GPHN: variants seen among roughly 807,000 people sequenced by gnomAD.
The protein encoded by GPHN is gephyrin.
GPHN carries 17 observed loss-of-function variants against 95.5 expected under a neutral mutation model. The ratio of observed to expected loss-of-function variants is 0.18; its 90% CI spans 0.12 to 0.27. The LOEUF is 0.27. Among genes scored for constraint, GPHN ranks in the 10% least tolerant of loss-of-function variants. GPHN has a pLI of 1.00. For missense variants in GPHN, 660 were observed against 978.1 expected (o/e 0.67, Z 4.34); for synonymous variants, 320 against 322.5 (o/e 0.99, Z 0.08).
At chr14:67,654,705 A>G in the GPHN span, among the ~76,000 whole-genome samples, 1 of 152,114 alleles carries the variant, frequency 6.6e-6, no homozygotes, top group Admixed American at 6.6e-5. Context: ...TGCTATTAAG[A>G]ATACAGCATT....
chr14:67,514,987 C>T, the GPHN span: 1 of 152,372 alleles, frequency 6.6e-6, no homozygotes, highest in Non-Finnish European at 1.5e-5. Context: ...CCCTCACCGT[C>T]CCCATCGCCC....
At chr14:67,511,202 G>A in the GPHN span, among the ~76,000 whole-genome samples, 1 of 152,162 alleles carries the variant, frequency 6.6e-6, no homozygotes, top group African/African-American at 2.4e-5. Context: ...AAGTCTAACT[G>A]CAAAAGCAGT....
chr14:66,694,421 T>C (rs183774808), intron 2 of GPHN, among the ~76,000 whole-genome samples: 86 of 152,290 alleles, frequency 5.6e-4, no homozygotes, highest in African/African-American at 2.0e-3. Flanking sequence ...CTTAAGACAA[T>C]GTTCAACTGG....
chr14:67,073,298 AT>A (rs950819531), intron 11 of GPHN, among the ~76,000 whole-genome samples: 2 of 152,084 alleles, frequency 1.3e-5, no homozygotes, highest in African/African-American at 4.8e-5. Context: ...TGACCAACAA[AT>A]TCACCCATTG....
chr14:67,640,692 C>T, the GPHN span, among the ~76,000 whole-genome samples: 1 of 152,174 alleles, frequency 6.6e-6, no homozygotes, highest in African/African-American at 2.4e-5. Context: ...TAATCTATGT[C>T]AATGTTCTGT....
At chr14:67,712,238 A>G in the GPHN span, among the ~76,000 whole-genome samples, 1 of 149,082 alleles carries the variant, frequency 6.7e-6, no homozygotes, top group Middle Eastern at 3.4e-3. Flanking sequence ...CCTGTCTTTT[A>G]ACTGGATCTC....
intron 2 of GPHN, among the ~76,000 whole-genome samples, chr14:66,683,552 CT>C (rs1457687251): frequency 7.4e-6 from 1 of 134,536 alleles, no homozygotes; most frequent in Admixed American, 8.3e-5. Context: ...TCTTTTCTGT[CT>C]CAGACTCTTG....
the GPHN span, among the ~76,000 whole-genome samples, chr14:67,465,500 G>A: frequency 6.6e-6 from 1 of 152,198 alleles, no homozygotes; most frequent in Non-Finnish European, 1.5e-5. Context: ...GGAGTGAAAT[G>A]GTCAGATCTG....
At chr14:66,745,843 T>C (rs1016100300) in intron 2 of GPHN, among the ~76,000 whole-genome samples, 1 of 152,026 alleles carries the variant, frequency 6.6e-6, no homozygotes, top group Non-Finnish European at 1.5e-5. Flanking sequence ...AAACCCTTTG[T>C]GATCTTTCTT....
At chr14:67,028,263 A>G (rs764715943) in intron 10 of GPHN, among the ~76,000 whole-genome samples, 4 of 152,126 alleles carry the variant, frequency 2.6e-5, no homozygotes, top group South Asian at 2.1e-4. Flanking sequence ...TTATCCAGTT[A>G]TTTATTGATG....
At chr14:66,702,080 G>C (rs573079116) in intron 2 of GPHN, among the ~76,000 whole-genome samples, 36 of 152,292 alleles carry the variant, frequency 2.4e-4, no homozygotes, top group Admixed American at 2.0e-3. Flanking sequence ...TCCTCACTGG[G>C]TGGGGCTTCC....
the GPHN span, among the ~76,000 whole-genome samples, chr14:67,321,619 T>G: frequency 3.7e-4 from 57 of 152,182 alleles, no homozygotes; most frequent in African/African-American, 1.3e-3. Context: ...TATATACACC[T>G]TATTTACTTA....
chr14:67,635,028 T>G, the GPHN span, among the ~76,000 whole-genome samples: 1 of 152,194 alleles, frequency 6.6e-6, no homozygotes, highest in Non-Finnish European at 1.5e-5. Flanking sequence ...GTGGATCGCC[T>G]GAGGCCAGGG....
chr14:67,007,164 T>C (rs1482951499), intron 9 of GPHN, among the ~76,000 whole-genome samples: 1 of 152,216 alleles, frequency 6.6e-6, no homozygotes, highest in Non-Finnish European at 1.5e-5. Flanking sequence ...CCAGATGTTA[T>C]TTTTCCAAGT....
chr14:67,654,922 G>A, the GPHN span, among the ~76,000 whole-genome samples: 4 of 151,580 alleles, frequency 2.6e-5, no homozygotes, highest in South Asian at 2.1e-4. Context: ...CCAGCTACTC[G>A]GGAGGCCGAG....
At chr14:66,961,282 A>G (rs1197098128) in intron 8 of GPHN, among the ~76,000 whole-genome samples, 1 of 151,938 alleles carries the variant, frequency 6.6e-6, no homozygotes, top group African/African-American at 2.4e-5. Context: ...GTTTTTGCCA[A>G]TTTATTTTCT....
the GPHN span, among the ~76,000 whole-genome samples, chr14:67,213,017 G>C: frequency 6.6e-6 from 1 of 151,272 alleles, no homozygotes; most frequent in Non-Finnish European, 1.5e-5. Flanking sequence ...CTGGGAACTG[G>C]TTAAAGATGT....
intron 1 of GPHN, among the ~76,000 whole-genome samples, chr14:66,549,909 G>A (rs1463767551): frequency 1.3e-5 from 2 of 152,122 alleles, no homozygotes; most frequent in Non-Finnish European, 2.9e-5. Context: ...TTACGGCATG[G>A]TTTACTAAAT....
At chr14:66,838,752 C>G (rs905292374) in intron 4 of GPHN, among the ~76,000 whole-genome samples, 2 of 152,140 alleles carry the variant, frequency 1.3e-5, no homozygotes, top group African/African-American at 2.4e-5. Context: ...ATTTCTCTCT[C>G]TGTGTATTAG....
Sources: allele counts gnomAD v4.1 joint callset (sites outside exome capture counted in the v4.1 genomes callset), GRCh38; gene constraint gnomAD v4.1.1; transcripts MANE v1.5; gene names NCBI Gene and HGNC (gene_info 2026-07-23, HGNC 2026-07-21).